Variants in PIK3CD observed in about 807,000 individuals in gnomAD.
The protein encoded by PIK3CD is phosphatidylinositol-4,5-bisphosphate 3-kinase catalytic subunit delta.
PIK3CD carries 20 observed loss-of-function variants against 122.9 expected under a neutral mutation model. That is an observed-to-expected ratio of 0.16 (90% CI 0.11 to 0.24). PIK3CD has a LOEUF of 0.24. Ranked by LOEUF, PIK3CD falls within the 10% of genes least tolerant of loss-of-function variation. PIK3CD has a pLI of 1.00. For missense variants in PIK3CD, 787 were observed against 1,406.3 expected (o/e 0.56, Z 7.04); for synonymous variants, 596 against 593.4 (o/e 1.00, Z -0.06).
intron 1 of PIK3CD, among the ~76,000 whole-genome samples, chr1:9,686,379 T>G (rs1403145000): frequency 6.6e-6 from 1 of 151,982 alleles, no homozygotes; most frequent in African/African-American, 2.4e-5. Context: ...TTTTTTTTTT[T>G]TTAGTAGAGA....
the PIK3CD span, among the ~76,000 whole-genome samples, chr1:9,633,629 G>A: frequency 1.0e-4 from 14 of 134,494 alleles, no homozygotes; most frequent in East Asian, 2.8e-3. Context: ...AATCTTATGC[G>A]GTTGAACATT....
intron 3 of PIK3CD, among the ~76,000 whole-genome samples, chr1:9,711,410 G>A (rs1035368400): frequency 3.3e-5 from 5 of 152,102 alleles, no homozygotes; most frequent in African/African-American, 1.2e-4. Context: ...GATAAATCAC[G>A]TCCATGAGTT....
chr1:9,677,195 C>T (rs982547323), intron 1 of PIK3CD, among the ~76,000 whole-genome samples: 4 of 152,132 alleles, frequency 2.6e-5, no homozygotes, highest in African/African-American at 4.8e-5. Context: ...GAGAATGGGG[C>T]GAACTACCAC....
intron 1 of PIK3CD, chr1:9,681,230 AT>A (rs1455193836): frequency 2.0e-5 from 3 of 151,778 alleles, no homozygotes; most frequent in Admixed American, 6.6e-5. Context: ...TCATAACCTA[AT>A]TTTTTCATTA....
intron 3 of PIK3CD, among the ~76,000 whole-genome samples, chr1:9,712,620 A>G (rs960623798): frequency 6.6e-6 from 1 of 152,158 alleles, no homozygotes; most frequent in Non-Finnish European, 1.5e-5. Flanking sequence ...GGGAGCAGGG[A>G]AAAAATACGA....
At chr1:9,706,050 A>ATTT (rs140912843) in intron 2 of PIK3CD, among the ~76,000 whole-genome samples, 1,538 of 85,132 alleles carry the variant, frequency 0.018, 56 homozygotes, top group African/African-American at 0.051. Context: ...ATTTATTGGA[A>ATTT]TTTTTTTTTT....
chr1:9,684,896 C>A (rs1042690355), intron 1 of PIK3CD, among the ~76,000 whole-genome samples: 1 of 150,364 alleles, frequency 6.7e-6, no homozygotes, highest in Non-Finnish European at 1.5e-5. Context: ...GCAATGCAAA[C>A]CCAAGCTTTT....
intron 1 of PIK3CD, among the ~76,000 whole-genome samples, chr1:9,655,278 C>T (rs566350754): frequency 3.3e-5 from 5 of 152,068 alleles, no homozygotes; most frequent in South Asian, 4.1e-4. Context: ...ATCTTGGTAC[C>T]GGTGACAGTG....
Position 9,720,579 on chromosome 1 carries a change from C to T in PIK3CD, c.1471-32C>T, listed in dbSNP as rs1235170929. The T allele has an allele frequency of 3.9e-6, 6 of 1,531,180 alleles. No individual in the cohort carries two copies. The highest frequency in any genetic ancestry group is 1.4e-5 in the African/African-American group (1 of 71,750). The allele number at this position is 1,531,180 out of a possible 1,614,324, so 94.8% of individuals were successfully genotyped here. A position where few individuals can be genotyped will look rare whatever the true frequency, so the allele number is the denominator to read the frequency against. On this transcript the variant is annotated intron_variant, in intron 11 of 23. Coordinates refer to ENST00000377346, the MANE Select transcript of PIK3CD (RefSeq NM_005026.5). The surrounding 1 kb of genome is among the most constrained non-coding windows in gnomAD (Gnocchi z 9.0). ...GTCCTGCCCGGGCTGGTCCAGGCCC[C>T]TGGGGACGCTGAGTGCAGCCGTTTG... is the stretch of plus-strand genomic sequence containing the variant.
At position 9,717,018 on chromosome 1, in the gene PIK3CD, C is replaced by T. The variant is rs1244336801; in HGVS notation, c.840C>T (p.Ser280=). The part of the protein sequence containing the change: ...LTPHLTMVHS[S]SILAMRDEQS... ...CTCACCTGACCATGGTCCATTCCTC[C>T]TCCATCCTCGCCATGCGGGATGAGC... Residue 280 remains serine (S), a synonymous_variant, in exon 7 of 24, where the codon TCC becomes TCT. Coordinates refer to ENST00000377346, the MANE Select transcript of PIK3CD (RefSeq NM_005026.5). The surrounding 1 kb of genome is among the most constrained non-coding windows in gnomAD (Gnocchi z 5.4). 4 of 1,613,964 alleles carry T rather than the reference C, an allele frequency of 2.5e-6. No homozygotes were observed. Among genetic ancestry groups the T allele is most frequent in the South Asian group, 2.2e-5 (2 of 91,084 alleles).
chr1:9,715,591 C>T lies in PIK3CD; in HGVS notation c.192C>T (p.Gly64=). Residue 64 remains glycine (G), a synonymous_variant, in exon 4 of 24, where the codon GGC becomes GGT. Transcript: ENST00000377346. This position sits in a 1 kb window ranked among gnomAD's most constrained non-coding sequence, Gnocchi z 4.1. Reference sequence around the variant, plus strand: ...AGCCGCTCTTCCACATGCTCAGTGGCCCCGAGGCCTATGTGTTCACCTGCA... The same window carrying T: ...AGCCGCTCTTCCACATGCTCAGTGGTCCCGAGGCCTATGTGTTCACCTGCA... ...QYEPLFHMLS[G]PEAYVFTCIN... The T allele has an allele frequency of 2.5e-6, 4 of 1,613,812 alleles. No homozygotes were observed. The highest frequency in any genetic ancestry group is 3.4e-6 in the Non-Finnish European group (4 of 1,180,030).
chr1:9,658,457 A>G (rs892066027), intron 1 of PIK3CD, among the ~76,000 whole-genome samples: 3 of 136,116 alleles, frequency 2.2e-5, no homozygotes, highest in Non-Finnish European at 4.7e-5. Context: ...TTTTAGGGGG[A>G]TTGCCACGTG....
At chr1:9,659,979 G>A (rs937202856) in intron 1 of PIK3CD, among the ~76,000 whole-genome samples, 4 of 152,212 alleles carry the variant, frequency 2.6e-5, no homozygotes, top group South Asian at 4.1e-4. Context: ...GCAATGGCGC[G>A]ATCTTGGCTC....
At chr1:9,684,556 AAAAG>A (rs1292369286) in intron 1 of PIK3CD, among the ~76,000 whole-genome samples, 3 of 151,186 alleles carry the variant, frequency 2.0e-5, no homozygotes, top group African/African-American at 4.9e-5. Flanking sequence ...AAAAAAAGAA[AAAAG>A]AAAGAGCAAT....
the PIK3CD span, among the ~76,000 whole-genome samples, chr1:9,639,929 A>T: frequency 6.6e-6 from 1 of 151,382 alleles, no homozygotes. Context: ...TTTAGTGGAG[A>T]CGAGGGCTCA....
the PIK3CD span, among the ~76,000 whole-genome samples, chr1:9,632,861 C>CTTTTTTT: frequency 7.8e-6 from 1 of 128,644 alleles, no homozygotes; most frequent in Non-Finnish European, 1.7e-5. Flanking sequence ...CAACCTGATT[C>CTTTTTTT]TTTTTTTTTT....
the PIK3CD span, among the ~76,000 whole-genome samples, chr1:9,634,351 G>A: frequency 1.3e-5 from 2 of 151,842 alleles, no homozygotes; most frequent in Non-Finnish European, 2.9e-5. Flanking sequence ...TAGTAGACAC[G>A]GGGTTTCACC....
intron 1 of PIK3CD, among the ~76,000 whole-genome samples, chr1:9,679,800 T>G (rs1645680533): frequency 2.0e-5 from 3 of 152,116 alleles, no homozygotes; most frequent in Non-Finnish European, 2.9e-5. Context: ...AATGCAATGG[T>G]TTTTTGTTGC....
chr1:9,712,470 G>A (rs1190408029), intron 3 of PIK3CD, among the ~76,000 whole-genome samples: 8 of 151,774 alleles, frequency 5.3e-5, no homozygotes, highest in East Asian at 1.9e-4. Flanking sequence ...TAGTAGAGAC[G>A]GGGTTTCACC....
Sources: gnomAD v4.1 joint callset for allele counts (sites outside exome capture counted in the v4.1 genomes callset) on GRCh38, gnomAD v4.1.1 for gene constraint, Gnocchi (gnomAD v3.1) non-coding constraint, MANE v1.5 for transcripts, NCBI Gene and HGNC (gene_info 2026-07-23, HGNC 2026-07-21) for gene names.